Variants in LRBA observed in about 807,000 individuals in gnomAD.
The protein encoded by LRBA is lipopolysaccharide-responsive and beige-like anchor protein.
Under a neutral mutation model 330.0 loss-of-function variants are expected in LRBA, and 176 were observed. The ratio of observed to expected loss-of-function variants is 0.53; its 90% CI spans 0.47 to 0.60. The LOEUF (loss-of-function observed/expected upper bound fraction) is 0.60. Among genes scored for constraint, LRBA ranks in the 20% least tolerant of loss-of-function variants. The pLI is 0.00. For synonymous variants in LRBA, 1,230 were observed against 1,193.0 expected, an observed-to-expected ratio of 1.03 and a Z score of -0.64; for missense variants, 3,259 against 3,444.8, an observed-to-expected ratio of 0.95 and a Z score of 1.35.
chr4:150,492,829 T>A (rs949483031), intron 40 of LRBA, among the ~76,000 whole-genome samples: 46 of 152,148 alleles, frequency 3.0e-4, no homozygotes, highest in Admixed American at 2.8e-3. Flanking sequence ...CATCTCCACA[T>A]GGTTCACTCA....
intron 47 of LRBA, among the ~76,000 whole-genome samples, chr4:150,389,909 G>A (rs886203713): frequency 2.2e-4 from 26 of 116,692 alleles, no homozygotes; most frequent in African/African-American, 7.8e-4. Context: ...TTTTGTCTGG[G>A]TATTTTTTTT....
chr4:150,877,540 C>T (rs996489584), intron 17 of LRBA, among the ~76,000 whole-genome samples: 4 of 152,112 alleles, frequency 2.6e-5, no homozygotes, highest in African/African-American at 4.8e-5. Context: ...ACAACGACTA[C>T]GAGACGTAGG....
intron 13 of LRBA, among the ~76,000 whole-genome samples, chr4:150,901,162 G>A (rs942675142): frequency 6.6e-6 from 1 of 152,070 alleles, no homozygotes; most frequent in Non-Finnish European, 1.5e-5. Flanking sequence ...AGCCGGGCGT[G>A]ATGGTACACA....
intron 37 of LRBA, among the ~76,000 whole-genome samples, chr4:150,667,462 G>A (rs552240033): frequency 5.9e-5 from 9 of 152,288 alleles, no homozygotes; most frequent in Admixed American, 2.6e-4. Flanking sequence ...GGAGGAAGAA[G>A]CCATGAACCA....
At chr4:150,857,743 T>C (rs1751396259) in intron 22 of LRBA, among the ~76,000 whole-genome samples, 1 of 152,168 alleles carries the variant, frequency 6.6e-6, no homozygotes, top group African/African-American at 2.4e-5. Context: ...TTTTTCTAAA[T>C]ACAATTTTGG....
chr4:150,365,299 AC>A, intron 47 of LRBA, among the ~76,000 whole-genome samples: 1 of 152,210 alleles, frequency 6.6e-6, no homozygotes, highest in South Asian at 2.1e-4. Context: ...GAGCAACTGC[AC>A]CCGGCCTCAT....
intron 40 of LRBA, among the ~76,000 whole-genome samples, chr4:150,574,638 C>T (rs1256559877): frequency 1.3e-5 from 2 of 151,916 alleles, no homozygotes; most frequent in Non-Finnish European, 2.9e-5. Flanking sequence ...GGATAGCAAC[C>T]ACCTTACATT....
rs1239890378 is a variant in LRBA, at chr4:150,630,958, CAG to C, written c.5922-31829_5922-31828del. Among the ~76,000 whole-genome samples the C allele has an allele frequency of 2.0e-5, 3 of 151,936 alleles. No individual in the cohort carries two copies. The East Asian group carries it at 5.8e-4, about 29-fold the overall frequency. ...TATTTTAATTAAAACAAATTAGAAA[CAG>C]TGTCATAACCTAGTGTGTCAATGGG... On this transcript the variant is annotated intron_variant, in intron 37 of 56. Transcript: ENST00000651943.
chr4:150,955,489 C>A (rs1307405786), intron 2 of LRBA, among the ~76,000 whole-genome samples: 1 of 148,836 alleles, frequency 6.7e-6, no homozygotes, highest in African/African-American at 2.6e-5. Context: ...TCCGGTGGCA[C>A]CCACCTGTGG....
intron 40 of LRBA, among the ~76,000 whole-genome samples, chr4:150,569,638 A>T (rs111878139): frequency 0.018 from 2,788 of 152,280 alleles, 29 homozygotes; most frequent in Non-Finnish European, 0.029. Flanking sequence ...CTGCTTCATC[A>T]GCATATGAAG....
At chr4:150,298,085 CAG>C (rs1341174161) in intron 53 of LRBA, among the ~76,000 whole-genome samples, 1 of 152,142 alleles carries the variant, frequency 6.6e-6, no homozygotes, top group African/African-American at 2.4e-5. Context: ...CACCTACTTA[CAG>C]AGAGTAATAT....
chr4:150,795,912 A>T (rs1047372103), intron 34 of LRBA, among the ~76,000 whole-genome samples: 1 of 152,030 alleles, frequency 6.6e-6, no homozygotes, highest in African/African-American at 2.4e-5. Flanking sequence ...CAAGAAAAAT[A>T]ATCAGAGCAT....
chr4:150,379,860 AAAC>A (rs1201261223), intron 47 of LRBA, among the ~76,000 whole-genome samples: 4 of 152,122 alleles, frequency 2.6e-5, no homozygotes, highest in African/African-American at 9.7e-5. Flanking sequence ...ATACATAGGA[AAAC>A]AACAACAAAG....
intron 44 of LRBA, among the ~76,000 whole-genome samples, chr4:150,458,706 G>A (rs929850232): frequency 6.7e-6 from 1 of 150,374 alleles, no homozygotes; most frequent in African/African-American, 2.4e-5. Context: ...CTTGTTTTAT[G>A]ATTATTCACT....
intron 46 of LRBA, among the ~76,000 whole-genome samples, chr4:150,422,330 C>T (rs1979920): frequency 0.13 from 19,886 of 152,160 alleles, 1,457 homozygotes; most frequent in Middle Eastern, 0.17. Flanking sequence ...TTCCCATAGG[C>T]TTTCTTTTTC....
chr4:150,843,251 TA>T (rs1402499414), intron 28 of LRBA, among the ~76,000 whole-genome samples: 3 of 151,182 alleles, frequency 2.0e-5, no homozygotes, highest in Non-Finnish European at 2.9e-5. Context: ...TACATATGCA[TA>T]AAAACCTAGT....
intron 13 of LRBA, among the ~76,000 whole-genome samples, chr4:150,902,166 A>C (rs1730803342): frequency 6.6e-6 from 1 of 152,242 alleles, no homozygotes; most frequent in Non-Finnish European, 1.5e-5. Flanking sequence ...AAATTATTAT[A>C]GGATAAACTG....
chr4:150,947,377 T>C (rs1736357777), intron 2 of LRBA, among the ~76,000 whole-genome samples: 1 of 152,012 alleles, frequency 6.6e-6, no homozygotes, highest in Non-Finnish European at 1.5e-5. Flanking sequence ...ACTGTTTTAA[T>C]ATTTAAAAAT....
intron 44 of LRBA, among the ~76,000 whole-genome samples, chr4:150,443,853 A>AAAAAAAAAAAAAAATATAT: frequency 1.3e-5 from 1 of 75,470 alleles, no homozygotes; most frequent in Admixed American, 1.4e-4. Context: ...TAATTAAAAA[A>AAAAAAAAAAAAAAATATAT]ATATATATAT....
Sources: allele counts gnomAD v4.1 joint callset (sites outside exome capture counted in the v4.1 genomes callset), GRCh38; gene constraint gnomAD v4.1.1; transcripts MANE v1.5; gene names NCBI Gene and HGNC (gene_info 2026-07-23, HGNC 2026-07-21).